Variants in ATP10A observed in about 807,000 individuals in gnomAD.
ATP10A encodes the protein ATPase phospholipid transporting 10A (putative), also known as phospholipid-transporting ATPase VA.
A neutral mutation model predicts 147.8 loss-of-function variants in ATP10A; 111 were observed. That is an observed-to-expected ratio of 0.75 (90% CI 0.64 to 0.88). ATP10A has a LOEUF of 0.88. ATP10A is among the 40% of genes least tolerant of loss of function. The pLI, the probability that ATP10A is intolerant of heterozygous loss-of-function variation, is 0.00. For synonymous variants in ATP10A, 875 were observed against 841.6 expected, an observed-to-expected ratio of 1.04 and a Z score of -0.69; for missense variants, 1,927 against 1,959.0, an observed-to-expected ratio of 0.98 and a Z score of 0.31.
In ATP10A at chr15:25,736,130, G is replaced by T; in HGVS notation, c.666C>A (p.Phe222Leu). 1 of 1,612,822 alleles carries T rather than the reference G, an allele frequency of 6.2e-7. No homozygotes were observed. Among genetic ancestry groups the T allele is most frequent in the Non-Finnish European group, 8.5e-7 (1 of 1,179,948 alleles). The part of the protein sequence containing the change: ...VRGFSELVSE[F>L]NPLTFTSVIE... ...TCACGCTGGTGAACGTCAAAGGATT[G>T]AATTCGGAGACCTAAAATAACAGCA... Residue 222 changes from phenylalanine (F) to leucine (L), a missense_variant, in exon 3 of 21, where the codon TTC (phenylalanine) becomes TTA (leucine). Transcript: ENST00000555815.
At chr15:25,836,667 A>G (rs1892610879) in intron 1 of ATP10A, among the ~76,000 whole-genome samples, 1 of 152,092 alleles carries the variant, frequency 6.6e-6, no homozygotes, top group African/African-American at 2.4e-5. Flanking sequence ...CCTCTAGCAA[A>G]CACACACACA....
rs1433569362 is a variant in ATP10A, at chr15:25,679,344, C to T, written c.4497G>A (p.Gln1499=). Residue 1499 remains glutamine (Q), a synonymous_variant, in exon 21 of 21, where the codon CAG becomes CAA. Coordinates refer to ENST00000555815, the MANE Select transcript of ATP10A (RefSeq NM_024490.4). ...AAAAAAGGCCATTTCAAGGTTTTCA[C>T]TGTGACCGCCTTGAAGATGCTCCTA... ...LLIGASSRRS[Q] The T allele has an allele frequency of 1.4e-6, 2 of 1,474,540 alleles. No individual in the cohort carries two copies. The highest frequency in any genetic ancestry group is 1.8e-6 in the Non-Finnish European group (2 of 1,105,708). 91.3% of individuals were successfully genotyped at this position (1,474,540 alleles called of 1,614,324 possible).
chr15:25,756,928 C>G (rs2140608276), intron 2 of ATP10A, among the ~76,000 whole-genome samples: 1 of 152,246 alleles, frequency 6.6e-6, no homozygotes, highest in South Asian at 2.1e-4. Context: ...GCTAGTTTAG[C>G]TCAATGTCAA....
chr15:25,708,126 G>A, intron 11 of ATP10A, 24 bp from the exon 12 acceptor site: 11 of 1,613,306 alleles, frequency 6.8e-6, no homozygotes, highest in African/African-American at 1.3e-5. Context: ...ATTGTTGAGT[G>A]CTGCACCGGG....
chr15:25,703,144 G>A (rs1596715193), intron 12 of ATP10A, among the ~76,000 whole-genome samples: 3 of 152,294 alleles, frequency 2.0e-5, no homozygotes, highest in East Asian at 3.9e-4. Context: ...GGTCACTTGA[G>A]GTCAGGAGTT....
chr15:25,710,773 C>T (rs749104551), intron 10 of ATP10A: 1 of 152,236 alleles, frequency 6.6e-6, no homozygotes, highest in Non-Finnish European at 1.5e-5. Context: ...GGGCTACGGC[C>T]ATCTCTCTGT....
intron 1 of ATP10A, among the ~76,000 whole-genome samples, chr15:25,807,014 G>A (rs1360527064): frequency 2.0e-5 from 3 of 152,186 alleles, no homozygotes; most frequent in East Asian, 1.9e-4. Context: ...TCCATCAAAC[G>A]GAGGGGCATC....
chr15:25,810,488 T>G (rs941601605), intron 1 of ATP10A, among the ~76,000 whole-genome samples: 4 of 152,198 alleles, frequency 2.6e-5, no homozygotes, highest in African/African-American at 9.7e-5. Context: ...ATTTTCCAAG[T>G]GTAGCAGTGC....
chr15:25,734,646 C>T (rs1286631817), intron 3 of ATP10A, among the ~76,000 whole-genome samples: 3 of 152,162 alleles, frequency 2.0e-5, no homozygotes, highest in African/African-American at 7.2e-5. Context: ...GTATTTCCTC[C>T]CCAAATCGTA....
At chr15:25,780,075 G>C (rs1486557687) in intron 2 of ATP10A, among the ~76,000 whole-genome samples, 1 of 152,222 alleles carries the variant, frequency 6.6e-6, no homozygotes. Context: ...CCACAACCCT[G>C]CCCAGCCAAT....
chr15:25,837,164 T>A (rs1373843659), intron 1 of ATP10A, among the ~76,000 whole-genome samples: 1 of 152,162 alleles, frequency 6.6e-6, no homozygotes, highest in African/African-American at 2.4e-5. Flanking sequence ...CCATATTAGC[T>A]TCAGTCCTCA....
At position 25,718,289 on chromosome 15, in the gene ATP10A, C is replaced by G. The variant is rs755714763; in HGVS notation, c.1474G>C (p.Val492Leu). The G allele has an allele frequency of 1.9e-6, 3 of 1,612,238 alleles. No homozygotes were observed. Among genetic ancestry groups the G allele is most frequent in the Non-Finnish European group, 2.5e-6 (3 of 1,179,938 alleles). ...TTGGTGCTCTGGGTTCTGTGCACCA[C>G]CCGGACACTCTGGTGGCTGCCGATG... The part of the protein sequence containing the change: ...GSIGSHQSVR[V>L]VHRTQSTKSH... Residue 492 changes from valine to leucine, a missense_variant, in exon 8 of 21, where the codon GTG (valine) becomes CTG (leucine). Val to Leu is a conservative substitution (Grantham distance 32). Coordinates refer to ENST00000555815, the MANE Select transcript of ATP10A (RefSeq NM_024490.4).
At chr15:25,850,568 G>C (rs1893242307) in intron 1 of ATP10A, among the ~76,000 whole-genome samples, 1 of 152,172 alleles carries the variant, frequency 6.6e-6, no homozygotes, top group South Asian at 2.1e-4. Context: ...TACGCGGCCA[G>C]TTTTGGAGAA....
At chr15:25,689,801 G>C (rs929467935) in intron 15 of ATP10A, among the ~76,000 whole-genome samples, 1 of 152,178 alleles carries the variant, frequency 6.6e-6, no homozygotes, top group Non-Finnish European at 1.5e-5. Context: ...AGAGCCCCAG[G>C]GCTTGGGCTG....
intron 10 of ATP10A, chr15:25,709,025 C>T (rs1567319096): frequency 6.6e-6 from 1 of 152,258 alleles, no homozygotes; most frequent in African/African-American, 2.4e-5. Flanking sequence ...GGTAAGAGAC[C>T]CTTTTACATG....
At chr15:25,842,263 T>A (rs565346493) in intron 1 of ATP10A, among the ~76,000 whole-genome samples, 1 of 152,184 alleles carries the variant, frequency 6.6e-6, no homozygotes. Context: ...GTTTTCTCTA[T>A]ACCTGTTGGC....
intron 1 of ATP10A, among the ~76,000 whole-genome samples, chr15:25,797,932 A>G (rs1223456264): frequency 6.6e-6 from 1 of 152,208 alleles, no homozygotes; most frequent in Non-Finnish European, 1.5e-5. Flanking sequence ...TGTGTTACCC[A>G]GAGAGCACAA....
chr15:25,705,449 A>G (rs1197917265), intron 12 of ATP10A, among the ~76,000 whole-genome samples: 1 of 11,346 alleles, frequency 8.8e-5, no homozygotes, highest in Non-Finnish European at 1.6e-4. Flanking sequence ...GCAAAAAAAA[A>G]AAAACAAAAA....
intron 1 of ATP10A, among the ~76,000 whole-genome samples, chr15:25,843,921 C>A (rs942971511): frequency 1.3e-5 from 2 of 152,160 alleles, no homozygotes; most frequent in Non-Finnish European, 1.5e-5. Context: ...TTTCCTGCTT[C>A]CCATGGTCTC....
Sources: allele counts gnomAD v4.1 joint callset (sites outside exome capture counted in the v4.1 genomes callset), GRCh38; gene constraint gnomAD v4.1.1; transcripts MANE v1.5; gene names NCBI Gene and HGNC (gene_info 2026-07-23, HGNC 2026-07-21).